GOLPH3: variants seen among roughly 807,000 people sequenced by gnomAD.
GOLPH3 encodes coat protein GPP34.
GOLPH3 carries 14 observed loss-of-function variants against 28.5 expected under a neutral mutation model. The ratio of observed to expected loss-of-function variants is 0.49; its 90% CI spans 0.32 to 0.77. The LOEUF is 0.77. Ranked by LOEUF, GOLPH3 falls within the 30% of genes least tolerant of loss-of-function variation. The pLI is 0.03. For missense variants in GOLPH3, 350 were observed against 393.7 expected (o/e 0.89, Z 0.94); for synonymous variants, 158 against 159.2 (o/e 0.99, Z 0.06).
intron 1 of GOLPH3, among the ~76,000 whole-genome samples, chr5:32,169,313 A>G (rs1252182586): frequency 1.3e-5 from 2 of 152,162 alleles, no homozygotes; most frequent in African/African-American, 4.8e-5. Context: ...GGGAAACCCT[A>G]AAGTAATACA....
chr5:32,152,316 G>T (rs1191807800), intron 1 of GOLPH3, among the ~76,000 whole-genome samples: 1 of 151,080 alleles, frequency 6.6e-6, no homozygotes, highest in South Asian at 2.1e-4. Context: ...TAGTACAGAT[G>T]GGGTTTCACT....
chr5:32,154,743 C>T (rs538651118), intron 1 of GOLPH3, among the ~76,000 whole-genome samples: 2 of 152,334 alleles, frequency 1.3e-5, no homozygotes, highest in South Asian at 4.1e-4. Context: ...AAACCAGACA[C>T]TGGATGACTC....
intron 1 of GOLPH3, among the ~76,000 whole-genome samples, chr5:32,161,820 G>A (rs1042377479): frequency 6.6e-6 from 1 of 150,788 alleles, no homozygotes; most frequent in Non-Finnish European, 1.5e-5. Context: ...GAGGTCAGGA[G>A]ATCAAAACCA....
At chr5:32,170,926 T>C (rs1261539883) in intron 1 of GOLPH3, among the ~76,000 whole-genome samples, 1 of 151,922 alleles carries the variant, frequency 6.6e-6, no homozygotes, top group Non-Finnish European at 1.5e-5. Context: ...TTTCCCCATG[T>C]GGTTGCTGAA....
At chr5:32,154,264 C>T (rs185705077) in intron 1 of GOLPH3, among the ~76,000 whole-genome samples, 1 of 152,272 alleles carries the variant, frequency 6.6e-6, no homozygotes, top group East Asian at 1.9e-4. Flanking sequence ...AGTGTTTATC[C>T]TGCCTTTTAA....
chr5:32,138,982 T>G (rs1208898093), intron 2 of GOLPH3, among the ~76,000 whole-genome samples: 1 of 152,260 alleles, frequency 6.6e-6, no homozygotes, highest in Admixed American at 6.5e-5. Context: ...TTCTTTATAT[T>G]TATTGCAATT....
intron 1 of GOLPH3, among the ~76,000 whole-genome samples, chr5:32,148,785 A>C (rs1746236199): frequency 6.6e-6 from 1 of 152,104 alleles, no homozygotes; most frequent in African/African-American, 2.4e-5. Context: ...CAAGAGAGCA[A>C]GACTCTGTCT....
intron 1 of GOLPH3, among the ~76,000 whole-genome samples, chr5:32,164,755 T>C (rs1463969764): frequency 6.6e-6 from 1 of 151,898 alleles, no homozygotes; most frequent in South Asian, 2.1e-4. Context: ...GGCAATGACA[T>C]TACCACACTG....
chr5:32,156,619 G>C (rs772226957), intron 1 of GOLPH3, among the ~76,000 whole-genome samples: 1 of 151,796 alleles, frequency 6.6e-6, no homozygotes, highest in Non-Finnish European at 1.5e-5. Context: ...CTGGAGCGGC[G>C]GGGGGGATGG....
intron 1 of GOLPH3, among the ~76,000 whole-genome samples, chr5:32,156,931 T>G (rs1746444151): frequency 6.6e-6 from 1 of 152,152 alleles, no homozygotes; most frequent in Non-Finnish European, 1.5e-5. Flanking sequence ...CCAAATAAAC[T>G]AAGACAGATA....
chr5:32,145,677 T>C (rs553584784), intron 1 of GOLPH3, among the ~76,000 whole-genome samples: 32 of 152,214 alleles, frequency 2.1e-4, no homozygotes, highest in African/African-American at 7.2e-5. Flanking sequence ...AACTAAAATA[T>C]GTCTCAATCT....
chr5:32,131,125 C>T (rs377490570), intron 3 of GOLPH3, among the ~76,000 whole-genome samples: 1 of 152,166 alleles, frequency 6.6e-6, no homozygotes, highest in East Asian at 1.9e-4. Context: ...GGGTAAACCC[C>T]GTGTGCTCAC....
intron 1 of GOLPH3, among the ~76,000 whole-genome samples, chr5:32,148,923 T>C (rs565975812): frequency 6.6e-6 from 1 of 151,934 alleles, no homozygotes; most frequent in Non-Finnish European, 1.5e-5. Context: ...TGCAGTAAGC[T>C]GAGATCGCAC....
chr5:32,173,607 G>A (rs1746897180), intron 1 of GOLPH3: 2 of 384,316 alleles, frequency 5.2e-6, no homozygotes, highest in Admixed American at 4.6e-5. Context: ...CTACGGGGAG[G>A]ATCCAGAAAG....
At chr5:32,149,176 AG>A (rs1416332196) in intron 1 of GOLPH3, among the ~76,000 whole-genome samples, 1 of 152,248 alleles carries the variant, frequency 6.6e-6, no homozygotes, top group Admixed American at 6.5e-5. Context: ...GGTAACAGAA[AG>A]GAAAACAGAA....
At chr5:32,142,429 G>A (rs1746090720) in intron 2 of GOLPH3, among the ~76,000 whole-genome samples, 1 of 151,156 alleles carries the variant, frequency 6.6e-6, no homozygotes, top group Non-Finnish European at 1.5e-5. Context: ...TCCGGGAAGT[G>A]AGGAGCGTCT....
rs374276807 is a variant in GOLPH3 at position 32,141,248 on chromosome 5, C to T, written c.357+2501G>A. Among the ~76,000 whole-genome samples the T allele has an allele frequency of 1.6e-4, 24 of 152,044 alleles. No homozygotes were observed. The East Asian group carries it at 2.7e-3, about 17-fold the overall frequency. Reference sequence around the variant, plus strand: ...ATAGCTTATTAATCAAGATGCATTCCGCTCTGATCTAAAACTTTTAGATTC... The same window carrying T: ...ATAGCTTATTAATCAAGATGCATTCTGCTCTGATCTAAAACTTTTAGATTC... On this transcript the variant is annotated intron_variant, in intron 2 of 3. Transcript: ENST00000265070.
chr5:32,131,579 G>GT (rs1255769342), intron 3 of GOLPH3, among the ~76,000 whole-genome samples: 1 of 152,246 alleles, frequency 6.6e-6, no homozygotes, highest in Non-Finnish European at 1.5e-5. Context: ...GATCCATGCT[G>GT]TTAGTCCTCA....
chr5:32,125,741 C>T lies in GOLPH3; in HGVS notation c.*471G>A, dbSNP rs1167261125. Reference sequence around the variant, plus strand: ...TTTAAAAATAATTTTGCTAAGTATACATCTCAACTGAAGTCTATGTAAAAA... The same window carrying T: ...TTTAAAAATAATTTTGCTAAGTATATATCTCAACTGAAGTCTATGTAAAAA... On this transcript the variant is annotated 3_prime_UTR_variant, in exon 4 of 4. Transcript: ENST00000265070. 1 of 154,238 alleles carries T rather than the reference C, an allele frequency of 6.5e-6. No homozygotes were observed. The highest frequency in any genetic ancestry group is 2.4e-5 in the African/African-American group (1 of 41,442). 9.6% of individuals were successfully genotyped at this position (154,238 alleles called of 1,614,324 possible).
Sources: gnomAD v4.1 joint callset for allele counts (sites outside exome capture counted in the v4.1 genomes callset) on GRCh38, gnomAD v4.1.1 for gene constraint, MANE v1.5 for transcripts, NCBI Gene and HGNC (gene_info 2026-07-23, HGNC 2026-07-21) for gene names.